The following FHIT variants were observed in gnomAD, a reference collection of about 807,000 sequenced individuals.
The protein encoded by FHIT is fragile histidine triad diadenosine triphosphatase, also known as bis(5'-adenosyl)-triphosphatase.
In FHIT, 19 loss-of-function variants were observed where a neutral mutation model predicts 17.9. The ratio of observed to expected loss-of-function variants is 1.06; its 90% confidence interval spans 0.74 to 1.56. FHIT has a LOEUF of 1.56. Among genes scored for constraint, FHIT ranks in the 40% most tolerant of loss-of-function variants. The pLI is 0.00. For synonymous variants in FHIT, 81 were observed against 69.7 expected (o/e 1.16, Z -0.81); for missense variants, 248 against 189.2 (o/e 1.31, Z -1.82).
At chr3:60,701,428 C>A (rs189881720) in intron 4 of FHIT, among the ~76,000 whole-genome samples, 5 of 152,070 alleles carry the variant, frequency 3.3e-5, no homozygotes, top group East Asian at 3.9e-4. Context: ...AGTCTCCCCC[C>A]CAAACTCAGG....
intron 5 of FHIT, among the ~76,000 whole-genome samples, chr3:60,090,596 G>C (rs1424862220): frequency 3.3e-5 from 5 of 152,122 alleles, no homozygotes; most frequent in Non-Finnish European, 7.3e-5. Flanking sequence ...TGAAGGGAAG[G>C]GAGCCTCTTA....
chr3:61,025,781 T>C (rs1426134653), intron 3 of FHIT, among the ~76,000 whole-genome samples: 1 of 152,136 alleles, frequency 6.6e-6, no homozygotes, highest in Non-Finnish European at 1.5e-5. Context: ...ACTGGAATAA[T>C]AGGAAAAGGT....
chr3:60,342,227 A>C (rs1056369741), intron 5 of FHIT, among the ~76,000 whole-genome samples: 3 of 152,304 alleles, frequency 2.0e-5, no homozygotes, highest in Middle Eastern at 3.4e-3. Flanking sequence ...GTAAGTAGTT[A>C]TTGAATACAC....
chr3:60,594,551 C>T (rs2038197950), intron 4 of FHIT, among the ~76,000 whole-genome samples: 1 of 152,058 alleles, frequency 6.6e-6, no homozygotes, highest in South Asian at 2.1e-4. Context: ...TCTAGGTTAG[C>T]CACCTCCAGC....
At chr3:59,749,891 A>G (rs1700793838) in intron 9 of FHIT, 2 of 225,832 alleles carry the variant, frequency 8.9e-6, no homozygotes, top group East Asian at 1.3e-4. Flanking sequence ...TAGGACCCTA[A>G]GTTGTTTGCC....
At chr3:59,953,812 CA>C (rs1165128853) in intron 7 of FHIT, among the ~76,000 whole-genome samples, 1 of 152,192 alleles carries the variant, frequency 6.6e-6, no homozygotes, top group Admixed American at 6.5e-5. Flanking sequence ...AAAGGTTCTG[CA>C]AACAGGTAGC....
intron 3 of FHIT, among the ~76,000 whole-genome samples, chr3:60,995,744 A>C (rs1194695052): frequency 6.6e-6 from 1 of 152,130 alleles, no homozygotes; most frequent in Non-Finnish European, 1.5e-5. Context: ...GCTACTACCC[A>C]TTTTGGTTAA....
intron 3 of FHIT, among the ~76,000 whole-genome samples, chr3:60,953,202 T>C (rs1708966981): frequency 6.6e-6 from 1 of 152,192 alleles, no homozygotes; most frequent in Admixed American, 6.5e-5. Context: ...AATATAAATG[T>C]TGTCTGGATT....
intron 8 of FHIT, among the ~76,000 whole-genome samples, chr3:59,874,227 A>G (rs662910): frequency 0.17 from 25,732 of 152,206 alleles, 2,306 homozygotes; most frequent in Non-Finnish European, 0.19. Context: ...TCTCAAGTCC[A>G]TCGATCCAAC....
intron 2 of FHIT, among the ~76,000 whole-genome samples, chr3:61,192,813 T>C (rs2038754376): frequency 6.6e-6 from 1 of 152,154 alleles, no homozygotes; most frequent in South Asian, 2.1e-4. Context: ...GAAAAAGGAT[T>C]AATCATGTGA....
In FHIT at chr3:60,684,629, A is replaced by G. The variant is rs574200347; in HGVS notation, c.-18+137290T>C. On this transcript the variant is annotated intron_variant, in intron 4 of 9. Coordinates refer to ENST00000492590, the MANE Select transcript of FHIT (RefSeq NM_002012.4). ...CCGTGCCAGGGTCTCTTCCAAGGAGAGTATTCAAGAGCTGTGCCACCCCTT... is the reference window on the plus strand; with the variant it reads ...CCGTGCCAGGGTCTCTTCCAAGGAGGGTATTCAAGAGCTGTGCCACCCCTT... 3.3e-4 allele frequency among the ~76,000 whole-genome samples: 50 copies of G among 152,168 alleles called. No homozygotes were observed. The South Asian group carries it at 8.3e-3, about 25-fold the overall frequency.
intron 8 of FHIT, among the ~76,000 whole-genome samples, chr3:59,921,533 T>C (rs747142658): frequency 2.6e-5 from 4 of 152,230 alleles, no homozygotes; most frequent in African/African-American, 9.6e-5. Context: ...TTTCCTTGCA[T>C]CCACAAACAG....
At position 60,070,902 on chromosome 3, in the gene FHIT, G is replaced by T. The variant is rs140789801; in HGVS notation, c.104-56750C>A. Among the ~76,000 whole-genome samples the T allele has an allele frequency of 1.4e-4, 21 of 152,316 alleles. 1 individual carries two copies. The East Asian group carries it at 4.0e-3, about 29-fold the overall frequency. ...AAATCCACTTGAGTGCTGGCGCCTA[G>T]GCAGGGAACAGGCAGCAATTCCTAC... On this transcript the variant is annotated intron_variant, in intron 5 of 9. Transcript: ENST00000492590.
intron 8 of FHIT, among the ~76,000 whole-genome samples, chr3:59,780,651 A>G (rs1303562804): frequency 6.6e-6 from 1 of 152,242 alleles, no homozygotes; most frequent in East Asian, 1.9e-4. Flanking sequence ...GAGCCCCAGG[A>G]TGGATTTGTG....
chr3:59,930,127 A>G (rs1347221937), intron 7 of FHIT, among the ~76,000 whole-genome samples: 5 of 152,196 alleles, frequency 3.3e-5, no homozygotes, highest in Non-Finnish European at 2.9e-5. Flanking sequence ...GAACTAGCGT[A>G]TTCATACACC....
At chr3:60,632,001 T>C (rs1553682570) in intron 4 of FHIT, among the ~76,000 whole-genome samples, 1 of 152,148 alleles carries the variant, frequency 6.6e-6, no homozygotes, top group Non-Finnish European at 1.5e-5. Flanking sequence ...CGGGTAGGAC[T>C]CTGAAAATTG....
chr3:60,477,851 T>G (rs2107465894), intron 5 of FHIT, among the ~76,000 whole-genome samples: 1 of 152,278 alleles, frequency 6.6e-6, no homozygotes, highest in East Asian at 1.9e-4. Flanking sequence ...CAAACTTCTC[T>G]AATATGATAG....
intron 3 of FHIT, among the ~76,000 whole-genome samples, chr3:61,002,065 T>C (rs550955567): frequency 6.6e-6 from 1 of 152,368 alleles, no homozygotes; most frequent in East Asian, 1.9e-4. Context: ...GATGTTTTGA[T>C]ATATGCATAC....
At chr3:60,539,095 G>GA (rs1413221604) in intron 4 of FHIT, among the ~76,000 whole-genome samples, 1 of 151,932 alleles carries the variant, frequency 6.6e-6, no homozygotes, top group Non-Finnish European at 1.5e-5. Flanking sequence ...AAATTTACAA[G>GA]AAAAAAACAA....
Sources: gnomAD v4.1 joint callset for allele counts (sites outside exome capture counted in the v4.1 genomes callset) on GRCh38, gnomAD v4.1.1 for gene constraint, MANE v1.5 for transcripts, NCBI Gene and HGNC (gene_info 2026-07-23, HGNC 2026-07-21) for gene names.